Variants in GHR observed in about 807,000 individuals in gnomAD.
The protein encoded by GHR is growth hormone receptor, also known as GH receptor.
A neutral mutation model predicts 67.1 loss-of-function variants in GHR; 35 were observed. The ratio of observed to expected loss-of-function variants is 0.52; its 90% CI spans 0.40 to 0.69. The LOEUF (loss-of-function observed/expected upper bound fraction) is 0.69. GHR is among the 30% of genes least tolerant of loss of function. The pLI is 0.00. For synonymous variants in GHR, 272 were observed against 269.1 expected (o/e 1.01, Z -0.10); for missense variants, 792 against 764.6 (o/e 1.04, Z -0.42).
chr5:42,655,465 C>T (rs1270226917), intron 3 of GHR, among the ~76,000 whole-genome samples: 2 of 152,038 alleles, frequency 1.3e-5, no homozygotes, highest in African/African-American at 2.4e-5. Flanking sequence ...ATTGCTGCTC[C>T]GTGGTGACAT....
chr5:42,462,354 C>G (rs1193103853), intron 1 of GHR, among the ~76,000 whole-genome samples: 1 of 152,026 alleles, frequency 6.6e-6, no homozygotes, highest in Non-Finnish European at 1.5e-5. Flanking sequence ...GAAGTCATTC[C>G]TCATTAAAAT....
intron 3 of GHR, among the ~76,000 whole-genome samples, chr5:42,686,225 C>G (rs1314260341): frequency 6.6e-6 from 1 of 152,112 alleles, no homozygotes; most frequent in East Asian, 1.9e-4. Flanking sequence ...TTGTTTTTGT[C>G]AGGTTTGTCA....
At chr5:42,639,934 G>C (rs1380642150) in intron 3 of GHR, among the ~76,000 whole-genome samples, 1 of 152,136 alleles carries the variant, frequency 6.6e-6, no homozygotes, top group Non-Finnish European at 1.5e-5. Flanking sequence ...AATTACCTGA[G>C]AGCAATTGAA....
At chr5:42,526,302 C>A (rs998028626) in intron 1 of GHR, among the ~76,000 whole-genome samples, 3 of 152,106 alleles carry the variant, frequency 2.0e-5, no homozygotes, top group African/African-American at 4.8e-5. Flanking sequence ...CAGAGCAAGG[C>A]CCTGACTCTC....
chr5:42,517,852 G>A (rs1004704405), intron 1 of GHR, among the ~76,000 whole-genome samples: 1 of 151,808 alleles, frequency 6.6e-6, no homozygotes, highest in African/African-American at 2.4e-5. Flanking sequence ...AAAAGCTTGC[G>A]TGTTTTCTCT....
At chr5:42,653,857 CA>C (rs1315311101) in intron 3 of GHR, among the ~76,000 whole-genome samples, 1 of 152,088 alleles carries the variant, frequency 6.6e-6, no homozygotes, top group African/African-American at 2.4e-5. Context: ...TGTTCTAGTC[CA>C]AATCAAGTGA....
intron 1 of GHR, among the ~76,000 whole-genome samples, chr5:42,507,231 T>G (rs13153388): frequency 0.45 from 68,565 of 152,066 alleles, 15,888 homozygotes; most frequent in Middle Eastern, 0.51. Context: ...AATAGAAAAA[T>G]ATTTCAGTGA....
intron 1 of GHR, among the ~76,000 whole-genome samples, chr5:42,489,059 A>G (rs955651999): frequency 1.3e-5 from 2 of 151,892 alleles, no homozygotes; most frequent in Admixed American, 1.3e-4. Flanking sequence ...ATTCTTCACT[A>G]TATGTCCTCT....
At chr5:42,498,092 C>G (rs898661141) in intron 1 of GHR, among the ~76,000 whole-genome samples, 1 of 152,174 alleles carries the variant, frequency 6.6e-6, no homozygotes, top group Non-Finnish European at 1.5e-5. Context: ...CTTAGATTCT[C>G]TCTAGTGAAG....
chr5:42,667,699 G>T (rs111928921), intron 3 of GHR, among the ~76,000 whole-genome samples: 1 of 152,298 alleles, frequency 6.6e-6, no homozygotes, highest in Non-Finnish European at 1.5e-5. Context: ...GTTTTAATGC[G>T]CATACAGATA....
At chr5:42,569,518 G>A (rs2112492079) in intron 2 of GHR, among the ~76,000 whole-genome samples, 1 of 152,212 alleles carries the variant, frequency 6.6e-6, no homozygotes, top group East Asian at 1.9e-4. Context: ...AAAAGAAAGA[G>A]GAAGTGTATG....
chr5:42,529,137 G>A (rs995181011), intron 1 of GHR, among the ~76,000 whole-genome samples: 1 of 151,156 alleles, frequency 6.6e-6, no homozygotes, highest in Non-Finnish European at 1.5e-5. Flanking sequence ...TCAGCCTCCC[G>A]AGTAGCTGGA....
chr5:42,689,026 C>T lies in GHR; in HGVS notation c.266+7C>T. The stretch of plus-strand genomic sequence containing the variant: ...AGCTGTTCTATACCAGAAGGTGCCA[C>T]CATCATGCCTTTCTGATTTTCCTCT... On this transcript the variant is annotated splice_region_variant and intron_variant, in intron 4 of 9. Transcript: ENST00000230882. The T allele has an allele frequency of 1.9e-6, 3 of 1,612,840 alleles. No individual in the cohort carries two copies. The highest frequency in any genetic ancestry group is 1.1e-5 in the South Asian group (1 of 91,064).
chr5:42,657,409 G>A (rs780438437), intron 3 of GHR, among the ~76,000 whole-genome samples: 2 of 152,066 alleles, frequency 1.3e-5, no homozygotes, highest in Non-Finnish European at 2.9e-5. Flanking sequence ...AAATGAATAC[G>A]GCTTCTCTAG....
intron 1 of GHR, among the ~76,000 whole-genome samples, chr5:42,461,829 A>C (rs1671020368): frequency 6.6e-6 from 1 of 152,256 alleles, no homozygotes; most frequent in African/African-American, 2.4e-5. Flanking sequence ...AGGCCTGAAC[A>C]TCTAGCTTTA....
At chr5:42,484,545 T>C (rs891265966) in intron 1 of GHR, among the ~76,000 whole-genome samples, 1 of 152,218 alleles carries the variant, frequency 6.6e-6, no homozygotes, top group African/African-American at 2.4e-5. Flanking sequence ...TCCAGAAATA[T>C]GCAGCCTGCT....
chr5:42,564,127 A>G (rs1481286412), intron 1 of GHR, among the ~76,000 whole-genome samples: 1 of 150,510 alleles, frequency 6.6e-6, no homozygotes, highest in Non-Finnish European at 1.5e-5. Flanking sequence ...GAAATCTCAC[A>G]AAGTGTGAGA....
intron 1 of GHR, among the ~76,000 whole-genome samples, chr5:42,471,083 T>C (rs1744991675): frequency 6.6e-6 from 1 of 152,244 alleles, no homozygotes; most frequent in Admixed American, 6.5e-5. Context: ...TTTCTGTTCC[T>C]GTCTTCAGCT....
chr5:42,685,332 C>G (rs1009163512), intron 3 of GHR, among the ~76,000 whole-genome samples: 2 of 152,174 alleles, frequency 1.3e-5, no homozygotes, highest in African/African-American at 4.8e-5. Context: ...TTTTCTTTAA[C>G]CAGTCTATCA....
Sources: gnomAD v4.1 joint callset for allele counts (sites outside exome capture counted in the v4.1 genomes callset) on GRCh38, gnomAD v4.1.1 for gene constraint, MANE v1.5 for transcripts, NCBI Gene and HGNC (gene_info 2026-07-23, HGNC 2026-07-21) for gene names.